CLEC9A: variants seen among roughly 807,000 people sequenced by gnomAD.
CLEC9A encodes the protein C-type lectin domain containing 9A, also known as C-type lectin domain family 9 member A.
Under a neutral mutation model 30.0 loss-of-function variants are expected in CLEC9A, and 24 were observed. The ratio of observed to expected loss-of-function variants is 0.80; its 90% CI spans 0.58 to 1.13. The LOEUF (loss-of-function observed/expected upper bound fraction) is 1.13, where lower values mean the gene tolerates loss of function less well. Among genes scored for constraint, CLEC9A ranks in the 50% most tolerant of loss-of-function variants. The pLI is 0.00. For synonymous variants in CLEC9A, 111 were observed against 96.8 expected, an observed-to-expected ratio of 1.15 and a Z score of -0.86; for missense variants, 251 against 280.9, an observed-to-expected ratio of 0.89 and a Z score of 0.76.
In CLEC9A at chr12:10,053,714, T is replaced by C. The variant is rs528592777; in HGVS notation, c.92-557T>C. On this transcript the variant is annotated intron_variant, in intron 4 of 8. Coordinates refer to ENST00000355819, the MANE Select transcript of CLEC9A (RefSeq NM_207345.4). ...TAAATTTTAACTATTTTTCTCTGAT[T>C]AGTGTTTTGAATACAAAAAATCACA... Among the ~76,000 whole-genome samples the C allele has an allele frequency of 2.6e-5, 4 of 152,288 alleles. No homozygotes were observed. In the East Asian group the frequency reaches 7.7e-4, roughly 29 times the overall value.
chr12:10,065,685 G>T lies in CLEC9A; in HGVS notation c.*53G>T, dbSNP rs1866039067. On this transcript the variant is annotated 3_prime_UTR_variant, in exon 9 of 9. Transcript: ENST00000355819. The stretch of plus-strand genomic sequence containing the variant: ...ACACTGTTATTTGGAGCATGCCATT[G>T]GAAAACCCACCCCCACCCCCCCTCA... 6.3e-7 allele frequency: 1 copy of T among 1,587,520 alleles called. No homozygotes were observed. The highest frequency in any genetic ancestry group is 8.6e-7 in the Non-Finnish European group (1 of 1,165,098).
chr12:10,050,652 G>A (rs1180964221), intron 2 of CLEC9A, among the ~76,000 whole-genome samples: 1 of 152,180 alleles, frequency 6.6e-6, no homozygotes, highest in Non-Finnish European at 1.5e-5. Flanking sequence ...ATCAGGGAAT[G>A]TTCTATATTT....
At chr12:10,057,391 A>C (rs1353807194) in intron 5 of CLEC9A, among the ~76,000 whole-genome samples, 2 of 151,964 alleles carry the variant, frequency 1.3e-5, no homozygotes, top group Admixed American at 1.3e-4. Flanking sequence ...GTAGTAAATG[A>C]AAACTATAAC....
intron 2 of CLEC9A, among the ~76,000 whole-genome samples, chr12:10,043,921 C>T (rs1280797647): frequency 2.6e-5 from 4 of 152,072 alleles, no homozygotes; most frequent in African/African-American, 4.8e-5. Context: ...CCTCATGATC[C>T]GCCTGCCTCA....
At chr12:10,052,598 A>T in intron 3 of CLEC9A, 32 bp from the exon 4 acceptor site, 3 of 1,541,202 alleles carry the variant, frequency 1.9e-6, no homozygotes, top group Non-Finnish European at 2.6e-6. Flanking sequence ...AACCAATTTC[A>T]GTTCTTACAC....
intron 2 of CLEC9A, among the ~76,000 whole-genome samples, chr12:10,048,688 C>G (rs937144091): frequency 2.6e-5 from 4 of 152,212 alleles, no homozygotes. Context: ...GAGATTGCAT[C>G]AACTCAGCCA....
At chr12:10,033,983 G>A (rs1002743271) in intron 1 of CLEC9A, among the ~76,000 whole-genome samples, 1 of 152,128 alleles carries the variant, frequency 6.6e-6, no homozygotes, top group African/African-American at 2.4e-5. Context: ...CCACAAGGAG[G>A]AGACAGAGGA....
intron 2 of CLEC9A, among the ~76,000 whole-genome samples, chr12:10,047,910 G>T (rs1408168161): frequency 6.6e-6 from 1 of 152,054 alleles, no homozygotes; most frequent in Non-Finnish European, 1.5e-5. Flanking sequence ...GAAGGATGGG[G>T]TAGATGCAGA....
intron 1 of CLEC9A, among the ~76,000 whole-genome samples, chr12:10,033,126 A>G (rs1039252882): frequency 4.6e-5 from 7 of 151,992 alleles, no homozygotes; most frequent in African/African-American, 1.7e-4. Context: ...CATAACATAC[A>G]TTCTTCTCTA....
At chr12:10,062,696 G>T (rs1866008126) in intron 6 of CLEC9A, among the ~76,000 whole-genome samples, 1 of 152,062 alleles carries the variant, frequency 6.6e-6, no homozygotes, top group Admixed American at 6.5e-5. Flanking sequence ...GGGGCAGTAA[G>T]ACTAACAGAC....
At position 10,052,754 on chromosome 12, in the gene CLEC9A, T is replaced by A; in HGVS notation, c.67T>A (p.Cys23Ser). The change falls in exon 4 of 9, where the codon TGT (cysteine) becomes AGT (serine). Residue 23 changes from cysteine to serine, a missense_variant. Physicochemically the swap from Cys to Ser is moderately radical, Grantham distance 112. Coordinates refer to ENST00000355819, the MANE Select transcript of CLEC9A (RefSeq NM_207345.4). ...CCCAGCACCAGACACTTACCAGAAA[T>A]GTCTGTCTTCCAACAAATGTTCAGG... Reference protein sequence around the residue: ...DSPAPDTYQKCLSSNKCSGAC... With the variant: ...DSPAPDTYQKSLSSNKCSGAC... The A allele has an allele frequency of 6.2e-7, 1 of 1,613,746 alleles. No individual in the cohort carries two copies. Among genetic ancestry groups the A allele is most frequent in the African/African-American group, 1.3e-5 (1 of 74,962 alleles).
intron 1 of CLEC9A, among the ~76,000 whole-genome samples, chr12:10,033,872 A>G (rs1460919879): frequency 1.3e-5 from 2 of 152,208 alleles, no homozygotes; most frequent in African/African-American, 4.8e-5. Context: ...ATTCAGAATT[A>G]TTTACAAAAA....
At chr12:10,061,389 A>G (rs1865996151) in intron 6 of CLEC9A, 116 bp downstream of exon 6, 2 of 1,099,078 alleles carry the variant, frequency 1.8e-6, no homozygotes, top group South Asian at 3.7e-5. Context: ...TTATAATAAG[A>G]GTGACATAAT....
chr12:10,061,179 A>C lies in CLEC9A; in HGVS notation c.225A>C (p.Gln75His), dbSNP rs143589598. Residue 75 changes from glutamine (Q) to histidine (H), a missense_variant, in exon 6 of 9, where the codon CAA (glutamine) becomes CAC (histidine). Transcript: ENST00000355819. ...AGCAGCAAGAAAAACTCATCCAACA[A>C]GAGAGGGCACTGCTAAACTTTACAG... Reference protein sequence around the residue: ...AMQQQEKLIQQERALLNFTEW... With the variant: ...AMQQQEKLIQHERALLNFTEW... 191 of 1,613,526 alleles carry C rather than the reference A, an allele frequency of 1.2e-4. 1 individual carries two copies. Among genetic ancestry groups the C allele is most frequent in the Admixed American group, 1.3e-4 (8 of 59,884 alleles).
chr12:10,034,221 T>C (rs1865725353), intron 1 of CLEC9A, among the ~76,000 whole-genome samples: 1 of 152,222 alleles, frequency 6.6e-6, no homozygotes, highest in Non-Finnish European at 1.5e-5. Flanking sequence ...GTTTAATGCC[T>C]ACCACAAATG....
rs1249668909 is a variant in CLEC9A, at chr12:10,063,127, G to C, written c.392G>C (p.Trp131Ser). The stretch of plus-strand genomic sequence containing the variant: ...AGTTGTTACTATGTCTCTGAAATTT[G>C]GAGCATTTGGCACACCAGTCAAGAG... ...RESCYYVSEI[W>S]SIWHTSQENC... The change falls in exon 7 of 9, where the codon TGG becomes TCG. Residue 131 changes from tryptophan (W) to serine (S), a missense_variant. Trp to Ser is a radical substitution (Grantham distance 177). Transcript: ENST00000355819. 1.2e-6 allele frequency: 2 copies of C among 1,612,374 alleles called. No homozygotes were observed. Among genetic ancestry groups the C allele is most frequent in the African/African-American group, 1.3e-5 (1 of 74,782 alleles).
intron 2 of CLEC9A, among the ~76,000 whole-genome samples, chr12:10,048,861 A>C (rs1437107306): frequency 6.6e-6 from 1 of 152,212 alleles, no homozygotes; most frequent in Admixed American, 6.5e-5. Flanking sequence ...CCTTCCATGA[A>C]TCACAAATCT....
Position 10,064,833 on chromosome 12 carries a change from C to T in CLEC9A, c.573C>T (p.Gly191=), listed in dbSNP as rs934620588. The part of the protein sequence containing the change: ...GHSGRWLWQD[G]SSPSPGLLPA... ...GCGGACGCTGGCTTTGGCAAGATGG[C>T]TCCTCTCCTTCTCCTGGCCTGTAAG... is the stretch of plus-strand genomic sequence containing the variant. Residue 191 remains glycine, a synonymous_variant, in exon 8 of 9, where the codon GGC becomes GGT. Transcript: ENST00000355819. The T allele has an allele frequency of 8.1e-6, 13 of 1,612,838 alleles. No homozygotes were observed. The African/African-American group carries it at 1.3e-4, about 17-fold the overall frequency.
chr12:10,055,840 T>C (rs1170138372), intron 5 of CLEC9A, among the ~76,000 whole-genome samples: 1 of 151,840 alleles, frequency 6.6e-6, no homozygotes, highest in East Asian at 1.9e-4. Context: ...GCGGATTGCC[T>C]GAGGTCAGGA....
Sources: gnomAD v4.1 joint callset for allele counts (sites outside exome capture counted in the v4.1 genomes callset) on GRCh38, gnomAD v4.1.1 for gene constraint, MANE v1.5 for transcripts, NCBI Gene and HGNC (gene_info 2026-07-23, HGNC 2026-07-21) for gene names.